Variants in CSMD3 observed in about 807,000 individuals in gnomAD.
CSMD3 encodes CUB and sushi domain-containing protein 3.
Under a neutral mutation model 435.2 loss-of-function variants are expected in CSMD3, and 177 were observed. The ratio of observed to expected loss-of-function variants is 0.41; its 90% confidence interval spans 0.36 to 0.46. The LOEUF is 0.46. CSMD3 is among the 20% of genes least tolerant of loss of function. The pLI, the probability that CSMD3 is intolerant of heterozygous loss-of-function variation, is 0.34. For synonymous variants in CSMD3, 1,656 were observed against 1,520.5 expected (o/e 1.09, Z -2.07); for missense variants, 4,265 against 4,504.6 (o/e 0.95, Z 1.52).
chr8:112,869,280 A>G (rs934916027), intron 10 of CSMD3, among the ~76,000 whole-genome samples: 1 of 152,232 alleles, frequency 6.6e-6, no homozygotes, highest in Non-Finnish European at 1.5e-5. Flanking sequence ...TAGACATATT[A>G]TAATTGTATA....
At chr8:113,019,368 T>C (rs1587899754) in intron 5 of CSMD3, among the ~76,000 whole-genome samples, 189 bp from the exon 6 acceptor site, 1 of 152,096 alleles carries the variant, frequency 6.6e-6, no homozygotes, top group Non-Finnish European at 1.5e-5. Context: ...TCCAAACACA[T>C]GCTGTTCCAA....
At chr8:112,933,563 T>C (rs2083185590) in intron 9 of CSMD3, among the ~76,000 whole-genome samples, 1 of 152,152 alleles carries the variant, frequency 6.6e-6, no homozygotes, top group East Asian at 1.9e-4. Flanking sequence ...TGCATCACAC[T>C]CTGATACTCT....
chr8:112,810,983 C>T (rs566914250), intron 12 of CSMD3, among the ~76,000 whole-genome samples: 1 of 152,060 alleles, frequency 6.6e-6, no homozygotes, highest in East Asian at 1.9e-4. Flanking sequence ...AATTTTTGTT[C>T]ATGGCTAATC....
chr8:113,354,853 G>C (rs556896835), intron 1 of CSMD3, among the ~76,000 whole-genome samples: 21 of 151,998 alleles, frequency 1.4e-4, no homozygotes, highest in African/African-American at 4.6e-4. Context: ...TGCCAAAGCT[G>C]GTTTTGAACT....
intron 12 of CSMD3, among the ~76,000 whole-genome samples, chr8:112,820,996 T>C (rs1489305338): frequency 6.6e-6 from 1 of 152,234 alleles, no homozygotes; most frequent in Non-Finnish European, 1.5e-5. Context: ...TTCCTTTTTA[T>C]GGCTGCATAG....
At chr8:112,568,645 T>G (rs1339359275) in intron 24 of CSMD3, among the ~76,000 whole-genome samples, 1 of 152,106 alleles carries the variant, frequency 6.6e-6, no homozygotes, top group Non-Finnish European at 1.5e-5. Flanking sequence ...TATGGTATTT[T>G]CATACTAGGT....
chr8:112,737,237 C>T (rs1300829535), intron 13 of CSMD3, among the ~76,000 whole-genome samples: 1 of 151,842 alleles, frequency 6.6e-6, no homozygotes, highest in Non-Finnish European at 1.5e-5. Flanking sequence ...GAAACTTACA[C>T]TTTTGAGACC....
At chr8:112,525,826 AAT>A (rs1166463752) in intron 27 of CSMD3, among the ~76,000 whole-genome samples, 4 of 135,322 alleles carry the variant, frequency 3.0e-5, no homozygotes, top group South Asian at 2.3e-4. Context: ...ACATATAAAA[AAT>A]ATATATATAT....
intron 5 of CSMD3, among the ~76,000 whole-genome samples, chr8:113,086,514 ATATATT>A (rs1226477477): frequency 2.0e-4 from 4 of 19,844 alleles, no homozygotes; most frequent in Non-Finnish European, 2.8e-4. Context: ...TAAATTCAAA[ATATATT>A]CAAAATATAT....
chr8:113,223,622 C>CATATATATATATATAT (rs3048833), intron 3 of CSMD3, among the ~76,000 whole-genome samples: 13 of 146,106 alleles, frequency 8.9e-5, no homozygotes, highest in African/African-American at 2.7e-4. Context: ...GTCAAGTATA[C>CATATATATATATATAT]ATATATATAT....
At chr8:112,557,118 C>T (rs1024027971) in intron 24 of CSMD3, among the ~76,000 whole-genome samples, 164 bp from the exon 25 acceptor site, 5 of 150,698 alleles carry the variant, frequency 3.3e-5, no homozygotes, top group African/African-American at 7.3e-5. Flanking sequence ...CCATGCAGAC[C>T]TTTTTTTTTC....
intron 22 of CSMD3, among the ~76,000 whole-genome samples, chr8:112,602,839 C>T (rs1178291752): frequency 6.6e-6 from 1 of 152,008 alleles, no homozygotes; most frequent in African/African-American, 2.4e-5. Flanking sequence ...CAAGATGAAT[C>T]AAATGTCTGA....
At chr8:112,899,606 T>G in intron 10 of CSMD3, among the ~76,000 whole-genome samples, 1 of 22,106 alleles carries the variant, frequency 4.5e-5, no homozygotes, top group South Asian at 1.7e-3. Context: ...ATTTTATATA[T>G]ATATATATAT....
At chr8:112,344,973 A>C (rs182960846) in intron 41 of CSMD3, among the ~76,000 whole-genome samples, 1 of 152,310 alleles carries the variant, frequency 6.6e-6, no homozygotes, top group Admixed American at 6.5e-5. Context: ...GAAAAGAGTT[A>C]CAAAAACAAT....
chr8:112,626,737 A>G (rs1834505716), intron 22 of CSMD3, among the ~76,000 whole-genome samples: 1 of 152,006 alleles, frequency 6.6e-6, no homozygotes, highest in African/African-American at 2.4e-5. Flanking sequence ...TATCTTCTCC[A>G]GTTATCTACA....
chr8:112,367,510 C>G (rs1216240759), intron 38 of CSMD3, among the ~76,000 whole-genome samples: 1 of 152,114 alleles, frequency 6.6e-6, no homozygotes, highest in Non-Finnish European at 1.5e-5. Context: ...GACCAGAAAC[C>G]TGAGAATCAT....
At chr8:113,004,741 A>G (rs934679147) in intron 6 of CSMD3, among the ~76,000 whole-genome samples, 6 of 151,944 alleles carry the variant, frequency 3.9e-5, no homozygotes, top group African/African-American at 1.2e-4. Flanking sequence ...AATTTTATGG[A>G]AAGTAGATAA....
intron 13 of CSMD3, among the ~76,000 whole-genome samples, chr8:112,736,935 C>G (rs2077197922): frequency 6.6e-6 from 1 of 151,916 alleles, no homozygotes; most frequent in African/African-American, 2.4e-5. Context: ...GCTGAGCCAG[C>G]TTTGTAAAAT....
intron 54 of CSMD3, 106 bp downstream of exon 54, chr8:112,295,727 T>C: frequency 1.1e-6 from 1 of 951,080 alleles, no homozygotes; most frequent in Non-Finnish European, 1.6e-6. Flanking sequence ...ATTTACTTTA[T>C]ATTGATATAT....
Sources: gnomAD v4.1 joint callset for allele counts (sites outside exome capture counted in the v4.1 genomes callset) on GRCh38, gnomAD v4.1.1 for gene constraint, MANE v1.5 for transcripts, NCBI Gene and HGNC (gene_info 2026-07-23, HGNC 2026-07-21) for gene names.